The following LPP variants were observed in gnomAD, a reference collection of about 807,000 sequenced individuals.
LPP encodes LIM domain containing preferred translocation partner in lipoma.
Under a neutral mutation model 60.4 loss-of-function variants are expected in LPP, and 38 were observed. That is an observed-to-expected ratio of 0.63 (90% CI 0.49 to 0.83). The LOEUF is 0.83. Among genes scored for constraint, LPP ranks in the 40% least tolerant of loss-of-function variants. The pLI, the probability that LPP is intolerant of heterozygous loss-of-function variation, is 0.00. For synonymous variants in LPP, 328 were observed against 290.8 expected, an observed-to-expected ratio of 1.13 and a Z score of -1.30; for missense variants, 902 against 783.6, an observed-to-expected ratio of 1.15 and a Z score of -1.80.
chr3:188,418,140 T>A (rs1418712543), intron 4 of LPP, among the ~76,000 whole-genome samples: 1 of 152,200 alleles, frequency 6.6e-6, no homozygotes, highest in Non-Finnish European at 1.5e-5. Context: ...TACATTATTA[T>A]GGTTCCTAAA....
chr3:188,622,850 A>C (rs1393064545), intron 7 of LPP, among the ~76,000 whole-genome samples: 1 of 152,058 alleles, frequency 6.6e-6, no homozygotes, highest in Non-Finnish European at 1.5e-5. Context: ...CAACATGGTG[A>C]AACCCTGTCT....
At chr3:188,371,372 C>A (rs1773019206) in intron 3 of LPP, among the ~76,000 whole-genome samples, 1 of 151,206 alleles carries the variant, frequency 6.6e-6, no homozygotes. Flanking sequence ...AGACACAGTT[C>A]CTGCTTTCAA....
chr3:188,644,963 G>C (rs1291978859), intron 7 of LPP, among the ~76,000 whole-genome samples: 2 of 152,188 alleles, frequency 1.3e-5, no homozygotes, highest in African/African-American at 4.8e-5. Context: ...GTGTGACCTT[G>C]AATTATTGAA....
In LPP at chr3:188,886,018, G is replaced by A. The variant is rs1013644519; in HGVS notation, c.*11539G>A. ...CCTTTGTAGGGACATGGATGAAATT[G>A]GAAATCATCATTCTCAGTAAACTAT... On this transcript the variant is annotated 3_prime_UTR_variant, in exon 12 of 12. Coordinates refer to ENST00000617246, the MANE Select transcript of LPP (RefSeq NM_001375462.1). 12 of 152,080 alleles carry A rather than the reference G, an allele frequency of 7.9e-5. No homozygotes were observed. The highest frequency in any genetic ancestry group is 2.7e-4 in the African/African-American group (11 of 41,496). 9.4% of individuals were successfully genotyped at this position (152,080 alleles called of 1,614,324 possible).
chr3:188,519,316 C>T (rs1449600746), intron 5 of LPP, among the ~76,000 whole-genome samples: 2 of 152,152 alleles, frequency 1.3e-5, no homozygotes, highest in African/African-American at 4.8e-5. Flanking sequence ...TCCTGCCTGA[C>T]TTATTTAATC....
chr3:188,414,699 C>T (rs144974141), intron 4 of LPP, among the ~76,000 whole-genome samples: 47 of 152,212 alleles, frequency 3.1e-4, no homozygotes, highest in African/African-American at 1.0e-3. Flanking sequence ...TACATTTCAG[C>T]GAAGTACAGG....
intron 4 of LPP, among the ~76,000 whole-genome samples, chr3:188,457,337 A>G (rs1269691207): frequency 6.6e-6 from 1 of 152,098 alleles, no homozygotes; most frequent in East Asian, 1.9e-4. Flanking sequence ...AACTAATGTA[A>G]TTTTCCAAAG....
intron 1 of LPP, among the ~76,000 whole-genome samples, chr3:188,201,242 C>T (rs1240062553): frequency 6.6e-6 from 1 of 152,166 alleles, no homozygotes; most frequent in East Asian, 1.9e-4. Flanking sequence ...AAATCAGGCA[C>T]ACAGTTAGAA....
At chr3:188,155,192 T>G (rs1275199623) in intron 1 of LPP, among the ~76,000 whole-genome samples, 2 of 151,750 alleles carry the variant, frequency 1.3e-5, no homozygotes, top group Non-Finnish European at 2.9e-5. Context: ...AACCTCGGAG[T>G]CGTAGGAGAA....
chr3:188,846,711 AAAAG>A (rs1410967541), intron 9 of LPP, among the ~76,000 whole-genome samples: 1 of 151,310 alleles, frequency 6.6e-6, no homozygotes, highest in African/African-American at 2.4e-5. Context: ...AAAGAGAGAG[AAAAG>A]AAAAGTTACA....
At chr3:188,574,885 T>C (rs1164313843) in intron 6 of LPP, among the ~76,000 whole-genome samples, 1 of 152,154 alleles carries the variant, frequency 6.6e-6, no homozygotes. Context: ...CTCACTTTTT[T>C]TCTGTCTTTT....
chr3:188,181,107 C>T (rs981470235), intron 1 of LPP, among the ~76,000 whole-genome samples: 2 of 152,218 alleles, frequency 1.3e-5, no homozygotes, highest in Admixed American at 6.5e-5. Context: ...GTAATCTCAG[C>T]ACTTTTGGAG....
intron 8 of LPP, among the ~76,000 whole-genome samples, chr3:188,754,081 A>C (rs572217932): frequency 1.3e-5 from 2 of 152,330 alleles, no homozygotes; most frequent in East Asian, 1.9e-4. Flanking sequence ...ATGATGTGAT[A>C]TGTGATATCT....
chr3:188,559,213 T>C (rs963506552), intron 6 of LPP, among the ~76,000 whole-genome samples: 1 of 152,096 alleles, frequency 6.6e-6, no homozygotes, highest in Non-Finnish European at 1.5e-5. Context: ...TGATGACATA[T>C]GACTCAACCT....
intron 2 of LPP, among the ~76,000 whole-genome samples, chr3:188,271,715 G>A (rs1350241029): frequency 1.3e-5 from 2 of 152,056 alleles, no homozygotes; most frequent in African/African-American, 4.8e-5. Flanking sequence ...TTTGGGAGAG[G>A]GTTCAAACCA....
At position 188,521,850 on chromosome 3, in the gene LPP, A is replaced by T. The variant is rs185523359; in HGVS notation, c.307-2815A>T. 1.4e-3 allele frequency among the ~76,000 whole-genome samples: 210 copies of T among 152,294 alleles called. 1 individual carries two copies. The highest frequency in any genetic ancestry group is 3.4e-3 in the Middle Eastern group (1 of 294). On this transcript the variant is annotated intron_variant, in intron 5 of 11. Transcript: ENST00000617246. ...TTGCCAATATATTGGACTATCTAAG[A>T]GTATGTGGAAATACACTTACCAAAT...
intron 3 of LPP, among the ~76,000 whole-genome samples, chr3:188,363,361 A>G (rs1450534368): frequency 6.6e-6 from 1 of 152,230 alleles, no homozygotes; most frequent in African/African-American, 2.4e-5. Context: ...TAACAGTACA[A>G]CTAGATGTTC....
intron 6 of LPP, among the ~76,000 whole-genome samples, chr3:188,547,828 A>G (rs1238449739): frequency 6.6e-6 from 1 of 152,122 alleles, no homozygotes; most frequent in Non-Finnish European, 1.5e-5. Context: ...GATGTATAAA[A>G]TGGCAGAGTT....
At chr3:188,154,146 A>AG, upstream of LPP, 1 of 194,570 alleles carries the variant, frequency 5.1e-6, no homozygotes, top group South Asian at 9.6e-5. Context: ...TGGGAGGGGG[A>AG]GTGCCCGGGC....
Sources: gnomAD v4.1 joint callset for allele counts (sites outside exome capture counted in the v4.1 genomes callset) on GRCh38, gnomAD v4.1.1 for gene constraint, MANE v1.5 for transcripts, NCBI Gene and HGNC (gene_info 2026-07-23, HGNC 2026-07-21) for gene names.